The following SLC26A8 variants were observed in gnomAD, a reference collection of about 807,000 sequenced individuals.
SLC26A8 encodes the protein solute carrier family 26 member 8.
In SLC26A8, 70 loss-of-function variants were observed where a neutral mutation model predicts 105.0. The observed-to-expected ratio is 0.67, with a 90% CI of 0.55 to 0.81. The LOEUF (loss-of-function observed/expected upper bound fraction) is 0.81, where lower values mean the gene tolerates loss of function less well. SLC26A8 is among the 40% of genes least tolerant of loss of function. The pLI is 0.00. For missense variants in SLC26A8, 998 were observed against 1,181.8 expected (o/e 0.84, Z 2.28); for synonymous variants, 415 against 438.3 (o/e 0.95, Z 0.66).
intron 2 of SLC26A8, among the ~76,000 whole-genome samples, chr6:36,014,657 G>A (rs551224384): frequency 3.7e-4 from 57 of 152,218 alleles, no homozygotes; most frequent in African/African-American, 1.2e-3. Flanking sequence ...CAAGGCGGGC[G>A]GATCACAAGG....
intron 19 of SLC26A8, among the ~76,000 whole-genome samples, chr6:35,948,176 A>C (rs942474461): frequency 7.9e-5 from 12 of 152,218 alleles, no homozygotes; most frequent in African/African-American, 2.9e-4. Flanking sequence ...CAAAAGATTC[A>C]AAAGTTGGTT....
intron 19 of SLC26A8, among the ~76,000 whole-genome samples, chr6:35,945,276 A>G (rs1344790652): frequency 6.6e-6 from 1 of 152,140 alleles, no homozygotes; most frequent in African/African-American, 2.4e-5. Flanking sequence ...TTCAGACTCA[A>G]TCAATTTCCA....
intron 5 of SLC26A8, among the ~76,000 whole-genome samples, chr6:35,996,529 G>A (rs912461756): frequency 6.6e-6 from 1 of 152,098 alleles, no homozygotes; most frequent in Non-Finnish European, 1.5e-5. Flanking sequence ...GTGAGCCTGT[G>A]AGGCCATCAT....
chr6:35,986,454 C>T (rs1199030889), intron 7 of SLC26A8, among the ~76,000 whole-genome samples: 1 of 152,150 alleles, frequency 6.6e-6, no homozygotes, highest in Non-Finnish European at 1.5e-5. Flanking sequence ...AATTATTCCT[C>T]TTATCAAATT....
Position 35,991,750 on chromosome 6 carries a change from A to G in SLC26A8, c.851T>C (p.Phe284Ser). 6.2e-7 allele frequency: 1 copy of G among 1,607,836 alleles called. No homozygotes were observed. The highest frequency in any genetic ancestry group is 8.5e-7 in the Non-Finnish European group (1 of 1,177,914). ...PKANSTSILVFLTVVVALRIN... is the reference protein window; with the variant it reads ...PKANSTSILVSLTVVVALRIN... ...TCGCAGAGCAACAACAACAGTTAGA[A>G]ATACTAGAATGCTGGTGGAATTCGC... Residue 284 changes from phenylalanine (F) to serine (S), a missense_variant, in exon 7 of 20, where the codon TTT (phenylalanine) becomes TCT (serine). Physicochemically the swap from Phe to Ser is radical, Grantham distance 155. Coordinates refer to ENST00000490799, the MANE Select transcript of SLC26A8 (RefSeq NM_052961.4).
chr6:35,970,850 A>AC (rs1772766558), intron 10 of SLC26A8, among the ~76,000 whole-genome samples: 1 of 151,982 alleles, frequency 6.6e-6, no homozygotes, highest in Non-Finnish European at 1.5e-5. Context: ...ACATGGTGAA[A>AC]CCCCACCTCT....
At chr6:35,982,366 G>A (rs1358300483) in intron 7 of SLC26A8, among the ~76,000 whole-genome samples, 163 bp from the exon 8 acceptor site, 1 of 152,162 alleles carries the variant, frequency 6.6e-6, no homozygotes, top group East Asian at 1.9e-4. Context: ...CTAGTTCAGC[G>A]GAGCAAGGCA....
chr6:36,020,434 T>G (rs1483566757), intron 1 of SLC26A8, among the ~76,000 whole-genome samples: 2 of 152,190 alleles, frequency 1.3e-5, no homozygotes, highest in Non-Finnish European at 2.9e-5. Context: ...CTAGGCAACA[T>G]GGTGAAACCC....
At position 36,002,152 on chromosome 6, in the gene SLC26A8, T is replaced by G. The variant is rs138631172; in HGVS notation, c.329-2044A>C. ...AACAGAAAATCTACTCAAATTAGCT[T>G]AAGCAAAATAGGAAATTTATTAAAA... On this transcript the variant is annotated intron_variant, in intron 3 of 19. Coordinates refer to ENST00000490799, the MANE Select transcript of SLC26A8 (RefSeq NM_052961.4). Among the ~76,000 whole-genome samples, 7 of 152,252 alleles carry G rather than the reference T, an allele frequency of 4.6e-5. No homozygotes were observed. In the East Asian group the frequency reaches 1.3e-3, roughly 29 times the overall value.
chr6:35,982,826 C>T (rs773858477), intron 7 of SLC26A8, among the ~76,000 whole-genome samples: 10 of 152,108 alleles, frequency 6.6e-5, no homozygotes, highest in South Asian at 4.1e-4. Flanking sequence ...TAATATGGAG[C>T]AACATTTAAT....
intron 10 of SLC26A8, chr6:35,969,341 T>A: frequency 4.9e-6 from 1 of 202,586 alleles, no homozygotes; most frequent in Non-Finnish European, 1.0e-5. Flanking sequence ...GGCTCACACC[T>A]GTAATCCTAG....
intron 16 of SLC26A8, 55 bp from the exon 17 acceptor site, chr6:35,955,575 G>C: frequency 6.3e-7 from 1 of 1,580,314 alleles, no homozygotes; most frequent in Non-Finnish European, 8.6e-7. Flanking sequence ...AGGGCCGGAA[G>C]GACTTGCAAC....
intron 10 of SLC26A8, among the ~76,000 whole-genome samples, chr6:35,973,041 C>G (rs1056422833): frequency 1.3e-5 from 2 of 152,228 alleles, no homozygotes; most frequent in African/African-American, 4.8e-5. Context: ...CATCATTCTC[C>G]TTCTTGCAAT....
intron 10 of SLC26A8, among the ~76,000 whole-genome samples, chr6:35,971,509 G>A (rs776338592): frequency 3.3e-5 from 5 of 152,194 alleles, no homozygotes; most frequent in Non-Finnish European, 7.3e-5. Flanking sequence ...ATGAACACCT[G>A]CCCAGGCACT....
Position 35,992,664 on chromosome 6 carries a change from C to T in SLC26A8, c.638G>A (p.Gly213Asp). Residue 213 changes from glycine (G) to aspartate (D), a missense_variant, in exon 6 of 20, where the codon GGC (glycine) becomes GAC (aspartate). By Grantham distance (94) the Gly-to-Asp change is moderately conservative. Transcript: ENST00000490799. ...GGCAATGAAGCCCAAACCCAATACG[C>T]CCATTATTAGCTGCAGAGAAGAGAA... is the stretch of plus-strand genomic sequence containing the variant. The part of the protein sequence containing the change: ...FLTGIIQLIM[G>D]VLGLGFIATY... 6.2e-7 allele frequency: 1 copy of T among 1,609,446 alleles called. No individual in the cohort carries two copies. The highest frequency in any genetic ancestry group is 8.5e-7 in the Non-Finnish European group (1 of 1,178,288).
At chr6:35,947,260 G>A (rs1771708969) in intron 19 of SLC26A8, among the ~76,000 whole-genome samples, 1 of 151,908 alleles carries the variant, frequency 6.6e-6, no homozygotes, top group African/African-American at 2.4e-5. Flanking sequence ...CAAACTCCTG[G>A]CCTCAAGTGA....
rs114646309 is a variant in SLC26A8 at position 35,955,482 on chromosome 6, G to A, written c.1902C>T (p.Pro634=). Reference sequence around the variant, plus strand: ...GAATCAGGTTAATGGAGGATGCTTCGGGATCCAGTTTATTTTCAAATCGCT... The same window carrying A: ...GAATCAGGTTAATGGAGGATGCTTCAGGATCCAGTTTATTTTCAAATCGCT... The part of the protein sequence containing the change: ...YTERFENKLD[P]EASSINLIHC... Residue 634 remains proline (P), a synonymous_variant, in exon 17 of 20, where the codon CCC becomes CCT. Coordinates refer to ENST00000490799, the MANE Select transcript of SLC26A8 (RefSeq NM_052961.4). 9.7e-4 allele frequency: 1,565 copies of A among 1,614,066 alleles called. 14 individuals carry two copies. The African/African-American group carries it at 0.016, about 17-fold the overall frequency.
intron 11 of SLC26A8, among the ~76,000 whole-genome samples, chr6:35,964,682 T>A (rs1311264770): frequency 2.0e-5 from 3 of 151,488 alleles, no homozygotes; most frequent in African/African-American, 7.3e-5. Flanking sequence ...AAACTGTAGA[T>A]GTGCCAGGCA....
intron 6 of SLC26A8, 74 bp downstream of exon 6, chr6:35,992,436 T>A: frequency 6.7e-7 from 1 of 1,501,696 alleles, no homozygotes. Context: ...GGAGTCTCCC[T>A]ACTGAGCTCC....
Sources: gnomAD v4.1 joint callset for allele counts (sites outside exome capture counted in the v4.1 genomes callset) on GRCh38, gnomAD v4.1.1 for gene constraint, MANE v1.5 for transcripts, NCBI Gene and HGNC (gene_info 2026-07-23, HGNC 2026-07-21) for gene names.